OTUD7B: variants seen among roughly 807,000 people sequenced by gnomAD.
The protein encoded by OTUD7B is OTU deubiquitinase 7B.
A neutral mutation model predicts 82.2 loss-of-function variants in OTUD7B; 34 were observed. That is an observed-to-expected ratio of 0.41 (90% confidence interval 0.31 to 0.55). The LOEUF (loss-of-function observed/expected upper bound fraction) is 0.55, where lower values mean the gene tolerates loss of function less well. Among genes scored for constraint, OTUD7B ranks in the 20% least tolerant of loss-of-function variants. OTUD7B has a pLI of 0.20. For missense variants in OTUD7B, 944 were observed against 1,062.1 expected (o/e 0.89, Z 1.55); for synonymous variants, 398 against 402.7 (o/e 0.99, Z 0.14).
chr1:150,039,386 A>ATTT, the OTUD7B span, among the ~76,000 whole-genome samples: 4 of 78,998 alleles, frequency 5.1e-5, no homozygotes, highest in African/African-American at 8.3e-5. Context: ...TTAAAAAAAA[A>ATTT]ATTTTTTTTG....
Position 149,965,786 on chromosome 1 carries a change from C to T in OTUD7B, c.595G>A (p.Ala199Thr). Residue 199 changes from alanine (A) to threonine (T), a missense_variant, in exon 5 of 12, where the codon GCC becomes ACC. This residue lies in a region of OTUD7B where 530 missense variants were observed against 625.6 expected (regional missense o/e 0.85). Coordinates refer to ENST00000581312, the MANE Select transcript of OTUD7B (RefSeq NM_020205.4). ...TGCTTTCAAGACTCACCAAGGGAGG[C>T]TGCATGCAGGAGGCAGTTCCCATCT... The part of the protein sequence containing the change: ...TGDGNCLLHA[A>T]SLGMWGFHDR... 1 of 1,612,676 alleles carries T rather than the reference C, an allele frequency of 6.2e-7. No individual in the cohort carries two copies. Among genetic ancestry groups the T allele is most frequent in the Non-Finnish European group, 8.5e-7 (1 of 1,178,794 alleles).
chr1:149,967,640 T>A, intron 3 of OTUD7B, 119 bp from the exon 4 acceptor site: 1 of 661,410 alleles, frequency 1.5e-6, no homozygotes, highest in Non-Finnish European at 2.4e-6. Flanking sequence ...TAAGTCTAAC[T>A]GACTACTGAA....
At chr1:149,971,004 A>C in intron 3 of OTUD7B, 59 bp downstream of exon 3, 1 of 1,407,214 alleles carries the variant, frequency 7.1e-7, no homozygotes, top group Non-Finnish European at 9.6e-7. Flanking sequence ...TTATGACTCC[A>C]TTTAACAATC....
chr1:149,944,761 C>T lies in OTUD7B; in HGVS notation c.1628G>A (p.Ser543Asn). Reference sequence around the variant, plus strand: ...CTTCTTCTCCAGTGTCTCAGTGCCGCTGCTTCCTCCCAACCCTGTCCCCAC... The same window carrying T: ...CTTCTTCTCCAGTGTCTCAGTGCCGTTGCTTCCTCCCAACCCTGTCCCCAC... ...GGVGTGLGGSSGTETLEKKKK... is the reference protein window; with the variant it reads ...GGVGTGLGGSNGTETLEKKKK... Residue 543 changes from serine (S) to asparagine (N), a missense_variant, in exon 12 of 12, where the codon AGC becomes AAC. Coordinates refer to ENST00000581312, the MANE Select transcript of OTUD7B (RefSeq NM_020205.4). 1 of 1,614,078 alleles carries T rather than the reference C, an allele frequency of 6.2e-7. No homozygotes were observed. Among genetic ancestry groups the T allele is most frequent in the Non-Finnish European group, 8.5e-7 (1 of 1,180,032 alleles).
chr1:150,014,458 A>C (rs1395065972), upstream of OTUD7B, among the ~76,000 whole-genome samples: 1 of 151,176 alleles, frequency 6.6e-6, no homozygotes, highest in Non-Finnish European at 1.5e-5. Flanking sequence ...TTCCTACCCT[A>C]AAACCTAGTA....
At chr1:149,979,529 G>T (rs35786175) in intron 1 of OTUD7B, among the ~76,000 whole-genome samples, 9,048 of 152,184 alleles carry the variant, frequency 0.059, 352 homozygotes, top group South Asian at 0.089. Flanking sequence ...ATAGCCTCAT[G>T]ATCTATGATC....
At chr1:149,950,384 A>G (rs1459553620) in intron 7 of OTUD7B, among the ~76,000 whole-genome samples, 163 bp from the exon 8 acceptor site, 1 of 146,962 alleles carries the variant, frequency 6.8e-6, no homozygotes, top group Non-Finnish European at 1.5e-5. Context: ...ATTTTATGCT[A>G]CCATGGCTGT....
intron 2 of OTUD7B, among the ~76,000 whole-genome samples, chr1:149,971,590 G>C (rs1211031814): frequency 6.6e-6 from 1 of 152,078 alleles, no homozygotes; most frequent in Non-Finnish European, 1.5e-5. Flanking sequence ...GTCACAGCTA[G>C]TTCACACCAG....
chr1:150,004,881 GAGAC>G, intron 1 of OTUD7B, among the ~76,000 whole-genome samples: 1 of 151,060 alleles, frequency 6.6e-6, no homozygotes, highest in Admixed American at 6.6e-5. Context: ...ATTTATTTTG[GAGAC>G]AGAGTCTTGC....
rs587750347 is a variant in OTUD7B at position 149,973,738 on chromosome 1, G to A, written c.86-2487C>T. On this transcript the variant is annotated intron_variant, in intron 2 of 11. Coordinates refer to ENST00000581312, the MANE Select transcript of OTUD7B (RefSeq NM_020205.4). ...TGACCTCAGGTGATCCACCTGCCTC[G>A]GCCTCCCAAAGTGCTGGGGTTACAG... Among the ~76,000 whole-genome samples the A allele has an allele frequency of 6.6e-4, 101 of 152,082 alleles. No homozygotes were observed. In the South Asian group the frequency reaches 7.1e-3, roughly 11 times the overall value.
At position 149,941,638 on chromosome 1, in the gene OTUD7B, A is replaced by G. The variant is rs2101701749; in HGVS notation, c.*2219T>C. The G allele has an allele frequency of 6.6e-6, 1 of 152,358 alleles. No individual in the cohort carries two copies. The highest frequency in any genetic ancestry group is 2.4e-5 in the African/African-American group (1 of 41,586). The allele number at this position is 152,358 out of a possible 1,614,324, so 9.4% of individuals were successfully genotyped here. On this transcript the variant is annotated 3_prime_UTR_variant, in exon 12 of 12. Coordinates refer to ENST00000581312, the MANE Select transcript of OTUD7B (RefSeq NM_020205.4). ...GTAAAAAGTCTATGATGGACAATGT[A>G]TCAAAAATTTAAATAAGAAGGATTC...
At chr1:150,061,855 C>T in the OTUD7B span, among the ~76,000 whole-genome samples, 1 of 152,248 alleles carries the variant, frequency 6.6e-6, no homozygotes, top group African/African-American at 2.4e-5. Context: ...CTAAACCACA[C>T]TTGATGCAAT....
At position 149,943,605 on chromosome 1, in the gene OTUD7B, T is replaced by C; in HGVS notation, c.*252A>G. 2.0e-6 allele frequency: 1 copy of C among 490,894 alleles called. No homozygotes were observed. The highest frequency in any genetic ancestry group is 3.6e-6 in the Non-Finnish European group (1 of 275,400). 30.4% of individuals were successfully genotyped at this position (490,894 alleles called of 1,614,324 possible). A position where few individuals can be genotyped will look rare whatever the true frequency, so the allele number is the denominator to read the frequency against. ...GGTTATAAGACAGAATCGCCATCTT[T>C]TCCCCTTGTACCTCAAACCTCATCA... is the stretch of plus-strand genomic sequence containing the variant. On this transcript the variant is annotated 3_prime_UTR_variant, in exon 12 of 12. Transcript: ENST00000581312.
intron 7 of OTUD7B, among the ~76,000 whole-genome samples, chr1:149,957,842 G>A (rs907841396): frequency 1.3e-5 from 2 of 152,344 alleles, no homozygotes; most frequent in African/African-American, 2.4e-5. Context: ...AGCCAGGCAC[G>A]GGATATAATC....
chr1:150,062,187 C>T, the OTUD7B span, among the ~76,000 whole-genome samples: 1 of 152,034 alleles, frequency 6.6e-6, no homozygotes, highest in African/African-American at 2.4e-5. Flanking sequence ...GGAAATATAC[C>T]AAGGGGACGA....
intron 2 of OTUD7B, among the ~76,000 whole-genome samples, chr1:149,976,113 T>C (rs1553778480): frequency 6.6e-6 from 1 of 152,188 alleles, no homozygotes; most frequent in African/African-American, 2.4e-5. Context: ...TCCAAACTCA[T>C]GCTCTCCTCA....
At chr1:150,059,553 G>T in the OTUD7B span, among the ~76,000 whole-genome samples, 1 of 151,706 alleles carries the variant, frequency 6.6e-6, no homozygotes, top group African/African-American at 2.4e-5. Context: ...ATTTTTAGTA[G>T]AGACGGGGTT....
intron 1 of OTUD7B, among the ~76,000 whole-genome samples, chr1:149,993,176 C>G (rs1287937356): frequency 1.3e-5 from 2 of 152,136 alleles, no homozygotes; most frequent in African/African-American, 4.8e-5. Context: ...CTGAAAGCAT[C>G]AAAGCAATAA....
chr1:150,003,847 C>A (rs1652472645), intron 1 of OTUD7B, among the ~76,000 whole-genome samples: 1 of 152,188 alleles, frequency 6.6e-6, no homozygotes, highest in African/African-American at 2.4e-5. Context: ...TGCAAAACTG[C>A]ATTTCCAAAC....
Sources: gnomAD v4.1 joint callset for allele counts (sites outside exome capture counted in the v4.1 genomes callset) on GRCh38, gnomAD v4.1.1 for gene constraint, gnomAD v4.1.1 regional missense constraint, MANE v1.5 for transcripts, NCBI Gene and HGNC (gene_info 2026-07-23, HGNC 2026-07-21) for gene names.